The following RIF1 variants were observed in gnomAD, a reference collection of about 807,000 sequenced individuals.
RIF1 encodes telomere-associated protein RIF1.
A neutral mutation model predicts 247.1 loss-of-function variants in RIF1; 45 were observed. The ratio of observed to expected loss-of-function variants is 0.18; its 90% confidence interval spans 0.14 to 0.23. The LOEUF is 0.23. Among genes scored for constraint, RIF1 ranks in the 10% least tolerant of loss-of-function variants. RIF1 has a pLI of 1.00. For synonymous variants in RIF1, 1,087 were observed against 978.8 expected (o/e 1.11, Z -2.06); for missense variants, 2,967 against 2,862.5 (o/e 1.04, Z -0.83).
At chr2:151,442,145 G>A (rs1162365484) in intron 16 of RIF1, among the ~76,000 whole-genome samples, 154 bp downstream of exon 16, 6 of 150,590 alleles carry the variant, frequency 4.0e-5, no homozygotes, top group South Asian at 2.1e-4. Context: ...GCACGATCTC[G>A]GCTCACTGCA....
rs79231198 is a variant in RIF1, at chr2:151,487,431, T to C, written c.*415+4096T>C. On this transcript the variant is annotated intron_variant and NMD_transcript_variant, in intron 9 of 13. Coordinates refer to the RIF1 transcript ENST00000454583. ...ACATGCATATATTCAAATTCACAAATAGATTTCCTTTCCCCTTTGCATAAG... is the reference window on the plus strand; with the variant it reads ...ACATGCATATATTCAAATTCACAAACAGATTTCCTTTCCCCTTTGCATAAG... Among the ~76,000 whole-genome samples, 142 of 152,350 alleles carry C rather than the reference T, an allele frequency of 9.3e-4. 1 individual carries two copies. The East Asian group carries it at 0.025, about 26-fold the overall frequency.
chr2:151,501,065 A>ACAT (rs971328104), intron 11 of RIF1, among the ~76,000 whole-genome samples: 5 of 152,170 alleles, frequency 3.3e-5, no homozygotes, highest in African/African-American at 9.7e-5. Context: ...TAACCCAGAA[A>ACAT]CATCAGATAA....
intron 9 of RIF1, chr2:151,494,015 T>C: frequency 1.1e-6 from 1 of 874,768 alleles, no homozygotes; most frequent in Middle Eastern, 2.3e-4. Flanking sequence ...AGTTAATGGC[T>C]ACAGTAAATG....
chr2:151,477,201 A>C lies in RIF1; in HGVS notation c.*2130A>C, dbSNP rs1020851492. On this transcript the variant is annotated 3_prime_UTR_variant, in exon 36 of 36. Coordinates refer to ENST00000444746, the MANE Select transcript of RIF1 (RefSeq NM_018151.5). ...TATTCTTGCCTTAAAGTTTCCTGCA[A>C]ATTTCCCCCTTAGTAATTCCCGAAT... 2 of 152,206 alleles carry C rather than the reference A, an allele frequency of 1.3e-5. No homozygotes were observed. Among genetic ancestry groups the C allele is most frequent in the Non-Finnish European group, 2.9e-5 (2 of 68,032 alleles). The allele number at this position is 152,206 out of a possible 1,614,324, so 9.4% of individuals were successfully genotyped here.
chr2:151,468,209 G>T, intron 31 of RIF1, 63 bp downstream of exon 31: 1 of 1,425,364 alleles, frequency 7.0e-7, no homozygotes. Flanking sequence ...TGTACATGAT[G>T]TGTCATAAAA....
At chr2:151,518,564 A>C in the RIF1 span, 4 of 647,830 alleles carry the variant, frequency 6.2e-6, no homozygotes, top group Non-Finnish European at 1.1e-5. Context: ...AGGTTAAGAA[A>C]AAGTTTTAAA....
At chr2:151,507,742 G>A (rs567794299) in exon 14 of RIF1, 53 of 390,762 alleles carry the variant, frequency 1.4e-4, no homozygotes, top group African/African-American at 1.0e-3. Context: ...TTTTCGCCAT[G>A]AACCTTGCCA....
At chr2:151,442,982 T>C (rs1397930248) in intron 16 of RIF1, among the ~76,000 whole-genome samples, 1 of 151,922 alleles carries the variant, frequency 6.6e-6, no homozygotes, top group Non-Finnish European at 1.5e-5. Context: ...TTCACTGTGT[T>C]AGCCAGGATG....
chr2:151,509,660 G>T (rs145791975), downstream of RIF1, among the ~76,000 whole-genome samples: 1 of 151,938 alleles, frequency 6.6e-6, no homozygotes, highest in Non-Finnish European at 1.5e-5. Flanking sequence ...GCGGAGTTTC[G>T]CAGTGTCTCC....
At chr2:151,426,168 A>ATTTTTTTTTTTTTTTTTTTTTTTTTT (rs35001554) in intron 8 of RIF1, among the ~76,000 whole-genome samples, 7 of 58,212 alleles carry the variant, frequency 1.2e-4, no homozygotes, top group South Asian at 6.9e-4. Context: ...TTGGCTTTTA[A>ATTTTTTTTTTTTTTTTTTTTTTTTTT]TTTTTTTTTT....
chr2:151,462,472 T>G lies in RIF1; in HGVS notation c.3363+6T>G. 14 of 1,545,920 alleles carry G rather than the reference T, an allele frequency of 9.1e-6. No individual in the cohort carries two copies. The highest frequency in any genetic ancestry group is 1.2e-5 in the Non-Finnish European group (14 of 1,144,210). ...ATTCTAAGATGATGATTACGGTATGTTTGACATTTCATATTTTGGGCTTTT... is the reference window on the plus strand; with the variant it reads ...ATTCTAAGATGATGATTACGGTATGGTTGACATTTCATATTTTGGGCTTTT... On this transcript the variant is annotated splice_donor_region_variant and intron_variant, in intron 29 of 35. Transcript: ENST00000444746.
chr2:151,503,110 A>T (rs2065970061), exon 12 of RIF1: 1 of 587,128 alleles, frequency 1.7e-6, no homozygotes, highest in Non-Finnish European at 3.0e-6. Context: ...TATAACGCTG[A>T]GGAATCTTGT....
At chr2:151,442,916 C>T (rs1025025220) in intron 16 of RIF1, among the ~76,000 whole-genome samples, 2 of 151,620 alleles carry the variant, frequency 1.3e-5, no homozygotes, top group Non-Finnish European at 2.9e-5. Flanking sequence ...GGACTACAGG[C>T]GCGTGCCACC....
chr2:151,410,281 C>G (rs373469199), intron 1 of RIF1, 133 bp from the exon 2 acceptor site: 1 of 693,484 alleles, frequency 1.4e-6, no homozygotes, highest in Non-Finnish European at 2.5e-6. Flanking sequence ...GATTCGGAGG[C>G]CTGGGGTGCA....
At chr2:151,452,656 G>T (rs963110151) in intron 21 of RIF1, among the ~76,000 whole-genome samples, 3 of 152,138 alleles carry the variant, frequency 2.0e-5, no homozygotes, top group African/African-American at 7.2e-5. Context: ...CTCTCCTCTT[G>T]GTCTGACCAG....
chr2:151,464,828 C>G lies in RIF1; in HGVS notation c.5308C>G (p.Pro1770Ala), dbSNP rs148837520. 4.1e-5 allele frequency: 66 copies of G among 1,611,636 alleles called. No individual in the cohort carries two copies. The highest frequency in any genetic ancestry group is 5.3e-5 in the Non-Finnish European group (63 of 1,179,496). The change falls in exon 30 of 36, where the codon CCT (proline) becomes GCT (alanine). Residue 1770 changes from proline to alanine, a missense_variant. Around this residue, in one of 7 missense-constraint regions of RIF1, gnomAD observed 2,028 missense variants for 1,825.6 expected, o/e 1.11. Coordinates refer to ENST00000444746, the MANE Select transcript of RIF1 (RefSeq NM_018151.5). ...AACAAAAAAGGCAGATGTGCAAGCA[C>G]CTGTAAGCCCATCAGAAACTTCTCA... ...SETKKADVQA[P>A]VSPSETSQAN...
At chr2:151,434,893 G>A (rs1345769601) in intron 10 of RIF1, among the ~76,000 whole-genome samples, 1 of 151,964 alleles carries the variant, frequency 6.6e-6, no homozygotes, top group Non-Finnish European at 1.5e-5. Context: ...TGCATAGCAG[G>A]GAATGCATTC....
At chr2:151,467,780 T>C (rs949700341) in intron 30 of RIF1, among the ~76,000 whole-genome samples, 1 of 152,136 alleles carries the variant, frequency 6.6e-6, no homozygotes, top group African/African-American at 2.4e-5. Context: ...TCTTTGGTAT[T>C]ATGCAGAGAC....
intron 12 of RIF1, among the ~76,000 whole-genome samples, chr2:151,504,107 C>T (rs548318087): frequency 1.9e-4 from 29 of 152,282 alleles, no homozygotes; most frequent in African/African-American, 6.5e-4. Context: ...AACCTCCACT[C>T]TCTGAGCCTC....
Sources: gnomAD v4.1 joint callset for allele counts (sites outside exome capture counted in the v4.1 genomes callset) on GRCh38, gnomAD v4.1.1 for gene constraint, gnomAD v4.1.1 regional missense constraint, MANE v1.5 for transcripts, NCBI Gene and HGNC (gene_info 2026-07-23, HGNC 2026-07-21) for gene names.